MORN1: variants seen among roughly 807,000 people sequenced by gnomAD.
MORN1 encodes MORN repeat-containing protein 1.
In MORN1, 67 loss-of-function variants were observed where a neutral mutation model predicts 61.9. The ratio of observed to expected loss-of-function variants is 1.08; its 90% CI spans 0.89 to 1.33. The LOEUF (loss-of-function observed/expected upper bound fraction) is 1.33. Ranked by LOEUF, MORN1 falls within the 40% of genes most tolerant of loss-of-function variation. The probability of loss-of-function intolerance (pLI) is 0.00; values close to 1 mark genes in which losing one functional copy is unlikely to be tolerated. For missense variants in MORN1, 752 were observed against 691.2 expected, an observed-to-expected ratio of 1.09 and a Z score of -0.99; for synonymous variants, 301 against 292.0, an observed-to-expected ratio of 1.03 and a Z score of -0.31.
intron 13 of MORN1, chr1:2,322,891 C>G (rs1569896684): frequency 1.0e-6 from 1 of 985,434 alleles, no homozygotes; most frequent in Non-Finnish European, 1.2e-6. Context: ...TGGCTGGTGG[C>G]CACCGTGCGG....
intron 8 of MORN1, among the ~76,000 whole-genome samples, chr1:2,370,784 T>C (rs1458189240): frequency 6.6e-6 from 1 of 151,498 alleles, no homozygotes; most frequent in African/African-American, 2.4e-5. Context: ...CTCAAGGGAC[T>C]CTCCCAATTT....
rs118038418 is a variant in MORN1 at position 2,340,219 on chromosome 1, G to T, written c.1037-3369C>A. On this transcript the variant is annotated intron_variant, in intron 10 of 13. Transcript: ENST00000378531. Reference sequence around the variant, plus strand: ...CTCTGTTCACACCCCTCTTTGGGTGGTCACCTCGCTTCCCATGGACACAAG... The same window carrying T: ...CTCTGTTCACACCCCTCTTTGGGTGTTCACCTCGCTTCCCATGGACACAAG... 1.2e-3 allele frequency among the ~76,000 whole-genome samples: 188 copies of T among 152,188 alleles called. 1 individual carries two copies. In the East Asian group the frequency reaches 0.027, roughly 22 times the overall value.
intron 10 of MORN1, among the ~76,000 whole-genome samples, chr1:2,348,740 CGCGG>C (rs1438474677): frequency 0.014 from 1,960 of 135,854 alleles, 136 homozygotes; most frequent in African/African-American, 0.051. Flanking sequence ...CGCACACCTG[CGCGG>C]GCACGCACAC....
chr1:2,384,490 C>T (rs556518879), intron 6 of MORN1, among the ~76,000 whole-genome samples: 168 of 152,378 alleles, frequency 1.1e-3, no homozygotes, highest in African/African-American at 3.8e-3. Flanking sequence ...ACAGGAGAAG[C>T]TCCCTTTTGT....
chr1:2,362,981 A>G (rs1641922247), intron 8 of MORN1: 1 of 152,250 alleles, frequency 6.6e-6, no homozygotes, highest in African/African-American at 2.4e-5. Flanking sequence ...GGCAGAGGAA[A>G]ATGAGAGCAG....
At chr1:2,354,944 AAT>A (rs1641727125) in intron 10 of MORN1, among the ~76,000 whole-genome samples, 2 of 152,182 alleles carry the variant, frequency 1.3e-5, no homozygotes, top group African/African-American at 4.8e-5. Context: ...TCCCAAGGGA[AAT>A]ATCTTTTGTG....
intron 10 of MORN1, among the ~76,000 whole-genome samples, chr1:2,348,761 A>G (rs1305815023): frequency 4.9e-5 from 7 of 141,566 alleles, no homozygotes; most frequent in African/African-American, 2.0e-4. Context: ...ACACACACGC[A>G]CACCTGCGCA....
rs1040058539 is a variant in MORN1, at chr1:2,352,101, G to A, written c.1036+5331C>T. On this transcript the variant is annotated intron_variant, in intron 10 of 13. Transcript: ENST00000378531. ...TCAGTCACTTTTTCCCCTGCAATGT[G>A]TCTTGTGAAATTGTGTAGAGTGTTT... The A allele has an allele frequency of 6.3e-6, 3 of 474,026 alleles. No individual in the cohort carries two copies. The South Asian group carries it at 7.0e-5, about 11-fold the overall frequency. The allele number at this position is 474,026 out of a possible 1,614,324, so 29.4% of individuals were successfully genotyped here.
At chr1:2,330,967 C>G (rs1189182376) in intron 12 of MORN1, among the ~76,000 whole-genome samples, 1 of 152,226 alleles carries the variant, frequency 6.6e-6, no homozygotes, top group Non-Finnish European at 1.5e-5. Flanking sequence ...GGGCTTTGTC[C>G]TTTTGTGGAA....
rs561504626 is a variant in MORN1, at chr1:2,337,042, G to A, written c.1037-192C>T. Among the ~76,000 whole-genome samples the A allele has an allele frequency of 6.6e-6, 1 of 152,206 alleles. No individual in the cohort carries two copies. The highest frequency in any genetic ancestry group is 2.1e-4 in the South Asian group (1 of 4,826). On this transcript the variant is annotated intron_variant, in intron 10 of 13. Coordinates refer to ENST00000378531, the MANE Select transcript of MORN1 (RefSeq NM_024848.3). The surrounding 1 kb of genome is among the most constrained non-coding windows in gnomAD (Gnocchi z 5.7). ...TGGGTGCTCCCTCCGGCCGCCGACAGGGGAGGTGGGGGTCCTCCGTGTCCA... is the reference window on the plus strand; with the variant it reads ...TGGGTGCTCCCTCCGGCCGCCGACAAGGGAGGTGGGGGTCCTCCGTGTCCA...
intron 12 of MORN1, among the ~76,000 whole-genome samples, chr1:2,324,926 G>C (rs139965926): frequency 1.3e-5 from 2 of 151,882 alleles, no homozygotes; most frequent in Non-Finnish European, 2.9e-5. Flanking sequence ...CCCTGAGGAC[G>C]TGGCCATGGC....
At chr1:2,381,520 G>C (rs931413935) in intron 6 of MORN1, among the ~76,000 whole-genome samples, 9 of 152,150 alleles carry the variant, frequency 5.9e-5, no homozygotes, top group Non-Finnish European at 8.8e-5. Flanking sequence ...GAGGGTGTGC[G>C]GGCCTCGGTT....
In MORN1 at chr1:2,357,415, T is replaced by C. The variant is rs902358634; in HGVS notation, c.1036+17A>G. The C allele has an allele frequency of 5.1e-6, 8 of 1,579,218 alleles. No individual in the cohort carries two copies. In the African/African-American group the frequency reaches 9.5e-5, roughly 19 times the overall value. On this transcript the variant is annotated intron_variant, in intron 10 of 13. Coordinates refer to ENST00000378531, the MANE Select transcript of MORN1 (RefSeq NM_024848.3). The surrounding 1 kb of genome is among the most constrained non-coding windows in gnomAD (Gnocchi z 6.3). ...CTGGGCCCACCCACCCCCAACTGGT[T>C]TGTGAGCTCCACTTACCAAGCAGGC...
chr1:2,370,839 C>A (rs1250975288), intron 8 of MORN1, among the ~76,000 whole-genome samples: 1 of 151,814 alleles, frequency 6.6e-6, no homozygotes, highest in Non-Finnish European at 1.5e-5. Flanking sequence ...CTACCATGAC[C>A]AGCTAATTAA....
At chr1:2,350,556 G>A (rs1393996153) in intron 10 of MORN1, 1 of 152,284 alleles carries the variant, frequency 6.6e-6, no homozygotes, top group Non-Finnish European at 1.5e-5. Context: ...TGAGCTCCTG[G>A]GAGGCCTGTC....
chr1:2,333,898 CTGCTGGAAAG>C (rs1641212320), intron 12 of MORN1, among the ~76,000 whole-genome samples: 1 of 145,980 alleles, frequency 6.9e-6, no homozygotes, highest in Non-Finnish European at 1.6e-5. Context: ...GCCAGGTTGG[CTGCTGGAAAG>C]AACAGCTTTC....
intron 10 of MORN1, chr1:2,351,222 C>T (rs1171838841): frequency 6.6e-6 from 1 of 152,560 alleles, no homozygotes; most frequent in Non-Finnish European, 1.5e-5. Flanking sequence ...CCGTCTCCCA[C>T]ACTCCCCACA....
intron 10 of MORN1, among the ~76,000 whole-genome samples, chr1:2,353,108 C>G (rs1641686464): frequency 6.6e-6 from 1 of 152,248 alleles, no homozygotes; most frequent in Non-Finnish European, 1.5e-5. Context: ...CACCTCTTTG[C>G]ATGGGTCTGG....
At position 2,372,326 on chromosome 1, in the gene MORN1, C is replaced by T; in HGVS notation, c.745+155G>A. 1 of 609,566 alleles carries T rather than the reference C, an allele frequency of 1.6e-6. No individual in the cohort carries two copies. Among genetic ancestry groups the T allele is most frequent in the Non-Finnish European group, 2.9e-6 (1 of 345,450 alleles). 37.8% of individuals were successfully genotyped at this position (609,566 alleles called of 1,614,324 possible). On this transcript the variant is annotated intron_variant, in intron 8 of 13. Coordinates refer to ENST00000378531, the MANE Select transcript of MORN1 (RefSeq NM_024848.3). This position sits in a 1 kb window ranked among gnomAD's most constrained non-coding sequence, Gnocchi z 5.4. The stretch of plus-strand genomic sequence containing the variant: ...CTGCCCTGACTGGCAGGGAAGCTGG[C>T]ACACCTGCGACCTCTCTGCCAGGCT...
Sources: gnomAD v4.1 joint callset for allele counts (sites outside exome capture counted in the v4.1 genomes callset) on GRCh38, gnomAD v4.1.1 for gene constraint, Gnocchi (gnomAD v3.1) non-coding constraint, MANE v1.5 for transcripts, NCBI Gene and HGNC (gene_info 2026-07-23, HGNC 2026-07-21) for gene names.